The following SAMMSON variants were observed in gnomAD, a reference collection of about 807,000 sequenced individuals.
SAMMSON encodes the protein survival associated mitochondrial melanoma specific oncogenic non-coding RNA.
At chr3:70,180,789 A>G (rs749969287) in intron 4 of SAMMSON, among the ~76,000 whole-genome samples, 8 of 152,172 alleles carry the variant, frequency 5.3e-5, no homozygotes, top group Non-Finnish European at 1.2e-4. Flanking sequence ...TGCCCTGGTC[A>G]TGGAGTTACA....
intron 7 of SAMMSON, among the ~76,000 whole-genome samples, chr3:70,305,454 T>A (rs1319221352): frequency 6.6e-6 from 1 of 152,180 alleles, no homozygotes; most frequent in Non-Finnish European, 1.5e-5. Flanking sequence ...AATATTTAAA[T>A]GAGATACAAA....
rs9876381 is a variant in SAMMSON at position 70,090,122 on chromosome 3, G to C, written n.507+18557G>C. ...AAAAAGGTAAAGGGAGGTTAGCTGG[G>C]ATAGGGCTGCTTTCTTTCTCTTTAA... On this transcript the variant is annotated intron_variant and non_coding_transcript_variant, in intron 4 of 9. Transcript: ENST00000642114. Among the ~76,000 whole-genome samples the C allele has an allele frequency of 5.5e-3, 837 of 152,202 alleles. 6 individuals carry two copies. Among genetic ancestry groups the C allele is most frequent in the African/African-American group, 0.019 (789 of 41,540 alleles).
rs972770927 is a variant in SAMMSON, at chr3:70,256,286, G to A, written n.674+6616G>A. On this transcript the variant is annotated intron_variant and non_coding_transcript_variant, in intron 6 of 9. Coordinates refer to ENST00000642114, the Ensembl canonical transcript of SAMMSON. ...GACACCTTTGTTGTGGATTTTCTAA[G>A]TCAGACAGAGAGAAATGTACTCGTT... Among the ~76,000 whole-genome samples the A allele has an allele frequency of 2.0e-5, 3 of 152,292 alleles. 1 individual carries two copies. In the East Asian group the frequency reaches 5.8e-4, roughly 29 times the overall value.
At chr3:70,161,800 G>T (rs1215091141) in intron 4 of SAMMSON, among the ~76,000 whole-genome samples, 2 of 151,404 alleles carry the variant, frequency 1.3e-5, no homozygotes, top group East Asian at 3.9e-4. Flanking sequence ...CTTGACCCAG[G>T]CTCTTCTTTC....
intron 4 of SAMMSON, among the ~76,000 whole-genome samples, chr3:70,208,605 A>C (rs1037678872): frequency 6.6e-6 from 1 of 152,096 alleles, no homozygotes; most frequent in Non-Finnish European, 1.5e-5. Flanking sequence ...TGATTCCGAC[A>C]TGTAGACAAG....
rs115473364 is a variant in SAMMSON, at chr3:70,047,569, C to T, written n.418-23907C>T. Among the ~76,000 whole-genome samples the T allele has an allele frequency of 4.7e-3, 713 of 152,124 alleles. 8 individuals are homozygous for T. Among genetic ancestry groups the T allele is most frequent in the African/African-American group, 0.016 (663 of 41,496 alleles). On this transcript the variant is annotated intron_variant and non_coding_transcript_variant, in intron 3 of 9. Coordinates refer to ENST00000642114, the Ensembl canonical transcript of SAMMSON. Reference sequence around the variant, plus strand: ...CTGGCTGGTCTCGAACTCCTAATCTCGTGATCTGCCCACCTTGGCCTCTCA... The same window carrying T: ...CTGGCTGGTCTCGAACTCCTAATCTTGTGATCTGCCCACCTTGGCCTCTCA...
At chr3:70,176,956 C>G (rs1291127326) in intron 4 of SAMMSON, among the ~76,000 whole-genome samples, 2 of 152,094 alleles carry the variant, frequency 1.3e-5, no homozygotes, top group African/African-American at 4.8e-5. Flanking sequence ...ATTCTTCACA[C>G]AGGAATTTTA....
intron 3 of SAMMSON, chr3:70,015,139 G>C (rs1164589477): frequency 6.6e-6 from 1 of 152,234 alleles, no homozygotes; most frequent in Non-Finnish European, 1.5e-5. Flanking sequence ...AAATTAGCCG[G>C]GCATGGTGGC....
intron 4 of SAMMSON, among the ~76,000 whole-genome samples, chr3:70,196,473 A>G (rs1232794715): frequency 6.6e-6 from 1 of 152,214 alleles, no homozygotes; most frequent in African/African-American, 2.4e-5. Context: ...CATTATTAAT[A>G]ATAACCAACA....
chr3:70,386,950 C>G (rs1281041702), intron 9 of SAMMSON, among the ~76,000 whole-genome samples: 1 of 152,048 alleles, frequency 6.6e-6, no homozygotes, highest in Admixed American at 6.6e-5. Context: ...AATCATTCCA[C>G]TATTCATGAA....
chr3:70,235,451 T>C (rs565481604), intron 4 of SAMMSON, among the ~76,000 whole-genome samples: 2 of 152,342 alleles, frequency 1.3e-5, no homozygotes, highest in Admixed American at 6.5e-5. Flanking sequence ...GCTCATGTGA[T>C]AATACATGCT....
intron 4 of SAMMSON, among the ~76,000 whole-genome samples, chr3:70,146,126 C>CTTTTGATAAGAT: frequency 6.6e-6 from 1 of 152,094 alleles, no homozygotes; most frequent in South Asian, 2.1e-4. Context: ...CCAAAGCTCA[C>CTTTTGATAAGAT]CCAGTACAAA....
intron 6 of SAMMSON, among the ~76,000 whole-genome samples, chr3:70,266,510 T>A (rs1701918089): frequency 6.6e-6 from 1 of 152,088 alleles, no homozygotes; most frequent in Admixed American, 6.5e-5. Context: ...AGCCTGCATC[T>A]CCTAGGCTCA....
At chr3:70,187,755 G>A (rs1365037993) in intron 4 of SAMMSON, among the ~76,000 whole-genome samples, 1 of 152,026 alleles carries the variant, frequency 6.6e-6, no homozygotes, top group Non-Finnish European at 1.5e-5. Flanking sequence ...TCTTTCTCAG[G>A]CACCTCACCC....
intron 7 of SAMMSON, among the ~76,000 whole-genome samples, chr3:70,317,094 G>A (rs1702500471): frequency 6.6e-6 from 1 of 151,786 alleles, no homozygotes; most frequent in South Asian, 2.1e-4. Flanking sequence ...ATGGGTAATA[G>A]GTTTATAACT....
chr3:70,418,160 C>T (rs1455868640), intron 2 of SAMMSON, among the ~76,000 whole-genome samples: 2 of 152,176 alleles, frequency 1.3e-5, no homozygotes, highest in Non-Finnish European at 2.9e-5. Flanking sequence ...CTACTTTTCC[C>T]TTTCAGAAGG....
At chr3:70,316,126 G>T (rs1702492668) in intron 7 of SAMMSON, among the ~76,000 whole-genome samples, 1 of 151,998 alleles carries the variant, frequency 6.6e-6, no homozygotes, top group Non-Finnish European at 1.5e-5. Flanking sequence ...TAATCTTTAA[G>T]GGCAAACTAT....
intron 9 of SAMMSON, among the ~76,000 whole-genome samples, chr3:70,382,485 A>G (rs1486998516): frequency 1.3e-5 from 2 of 152,146 alleles, no homozygotes; most frequent in Admixed American, 6.6e-5. Flanking sequence ...TGCTACTGGC[A>G]TTTAGTAAAT....
intron 6 of SAMMSON, among the ~76,000 whole-genome samples, chr3:70,274,124 A>C (rs1702000191): frequency 6.6e-6 from 1 of 151,338 alleles, no homozygotes; most frequent in Non-Finnish European, 1.5e-5. Context: ...AGACTGGGCT[A>C]AAGAAATACC....
Sources: allele counts gnomAD v4.1 joint callset (sites outside exome capture counted in the v4.1 genomes callset), GRCh38; gene constraint gnomAD v4.1.1; transcripts MANE v1.5; gene names NCBI Gene and HGNC (gene_info 2026-07-23, HGNC 2026-07-21).